The following ASIC2 variants were observed in gnomAD, a reference collection of about 807,000 sequenced individuals.
ASIC2 encodes the protein acid-sensing ion channel 2.
ASIC2 carries 25 observed loss-of-function variants against 57.3 expected under a neutral mutation model. The observed-to-expected ratio is 0.44, with a 90% CI of 0.32 to 0.61. The LOEUF is 0.61. Ranked by LOEUF, ASIC2 falls within the 20% of genes least tolerant of loss-of-function variation. The pLI is 0.06. For missense variants in ASIC2, 641 were observed against 738.1 expected (o/e 0.87, Z 1.52); for synonymous variants, 319 against 307.5 (o/e 1.04, Z -0.39).
intron 1 of ASIC2, among the ~76,000 whole-genome samples, chr17:33,318,558 C>T (rs1906746147): frequency 6.6e-6 from 1 of 152,184 alleles, no homozygotes; most frequent in South Asian, 2.1e-4. Context: ...TTTCTAAGCT[C>T]CTGCCCACTG....
intron 1 of ASIC2, among the ~76,000 whole-genome samples, chr17:33,950,149 G>A (rs1476585587): frequency 6.6e-6 from 1 of 152,164 alleles, no homozygotes; most frequent in African/African-American, 2.4e-5. Context: ...AATCCTTCAG[G>A]GTCATTGTCT....
chr17:33,800,273 AC>A (rs1912093551), intron 1 of ASIC2, among the ~76,000 whole-genome samples: 1 of 151,980 alleles, frequency 6.6e-6, no homozygotes, highest in African/African-American at 2.4e-5. Context: ...TGGAATGCAC[AC>A]CCCCTTTTGC....
intron 1 of ASIC2, among the ~76,000 whole-genome samples, chr17:33,464,555 TTTCTTTC>T (rs1912785999): frequency 1.7e-5 from 2 of 121,094 alleles, no homozygotes; most frequent in African/African-American, 6.4e-5. Flanking sequence ...TCTTTCTTTC[TTTCTTTC>T]TTTTCTCTCT....
intron 1 of ASIC2, among the ~76,000 whole-genome samples, chr17:33,214,060 G>A (rs998213660): frequency 6.7e-6 from 1 of 149,580 alleles, no homozygotes; most frequent in South Asian, 2.1e-4. Context: ...CAAGTGTGGG[G>A]TTAAGTTCTT....
intron 1 of ASIC2, among the ~76,000 whole-genome samples, chr17:34,122,285 A>AC (rs1202940030): frequency 1.3e-5 from 2 of 152,226 alleles, no homozygotes; most frequent in Non-Finnish European, 2.9e-5. Context: ...TGCTCAGCAC[A>AC]CCCAGATAGC....
At chr17:33,432,444 G>A (rs1044655910) in intron 1 of ASIC2, among the ~76,000 whole-genome samples, 9 of 152,202 alleles carry the variant, frequency 5.9e-5, no homozygotes, top group East Asian at 1.9e-4. Context: ...TGGGAGGATC[G>A]CTTGAGCCCA....
At chr17:33,269,615 C>CTTCCTTCCTTCCT in intron 1 of ASIC2, among the ~76,000 whole-genome samples, 1 of 31,734 alleles carries the variant, frequency 3.2e-5, no homozygotes, top group African/African-American at 1.1e-4. Context: ...GGCTCCTTCC[C>CTTCCTTCCTTCCT]TTCCTTCCTT....
At chr17:33,945,053 T>C (rs926808183) in intron 1 of ASIC2, among the ~76,000 whole-genome samples, 47 of 152,146 alleles carry the variant, frequency 3.1e-4, no homozygotes, top group African/African-American at 1.1e-3. Context: ...TATGATCTCA[T>C]GTGATTGCTG....
intron 1 of ASIC2, among the ~76,000 whole-genome samples, chr17:33,943,707 A>C (rs1305323952): frequency 6.6e-6 from 1 of 151,884 alleles, no homozygotes; most frequent in Non-Finnish European, 1.5e-5. Context: ...AAAAAAAAAA[A>C]AAAAATGGAG....
chr17:33,718,661 G>A (rs577499469), intron 1 of ASIC2, among the ~76,000 whole-genome samples: 9 of 152,266 alleles, frequency 5.9e-5, no homozygotes, highest in East Asian at 3.9e-4. Context: ...ACATGCCTCC[G>A]CAGAGAGAAG....
intron 1 of ASIC2, among the ~76,000 whole-genome samples, chr17:33,501,814 C>T (rs1914108423): frequency 6.6e-6 from 1 of 152,300 alleles, no homozygotes; most frequent in South Asian, 2.1e-4. Context: ...AGTACCTAAA[C>T]TTGAAGTAAG....
chr17:33,491,183 C>T (rs1913744853), intron 1 of ASIC2, among the ~76,000 whole-genome samples: 1 of 152,180 alleles, frequency 6.6e-6, no homozygotes, highest in Non-Finnish European at 1.5e-5. Flanking sequence ...CCCACACCCA[C>T]AGGACATCAA....
intron 1 of ASIC2, among the ~76,000 whole-genome samples, chr17:33,439,644 A>C (rs905816150): frequency 6.6e-6 from 1 of 152,242 alleles, no homozygotes; most frequent in East Asian, 1.9e-4. Flanking sequence ...TGAGTTTCAC[A>C]AATGTGTCAT....
chr17:33,383,915 A>G (rs931920545), intron 1 of ASIC2, among the ~76,000 whole-genome samples: 1 of 152,224 alleles, frequency 6.6e-6, no homozygotes, highest in Non-Finnish European at 1.5e-5. Context: ...GTGACTTAGC[A>G]GAAGCATCAA....
At chr17:33,224,484 T>C (rs1393481253) in intron 1 of ASIC2, among the ~76,000 whole-genome samples, 1 of 152,150 alleles carries the variant, frequency 6.6e-6, no homozygotes, top group African/African-American at 2.4e-5. Flanking sequence ...TGGAAGTGTG[T>C]CGATCAACAA....
chr17:33,597,240 T>C (rs1399159011), intron 1 of ASIC2, among the ~76,000 whole-genome samples: 1 of 152,238 alleles, frequency 6.6e-6, no homozygotes, highest in Non-Finnish European at 1.5e-5. Context: ...TCATGAGTCT[T>C]TGAGGATGCC....
At chr17:33,090,181 A>G (rs2092151884) in intron 2 of ASIC2, among the ~76,000 whole-genome samples, 1 of 152,116 alleles carries the variant, frequency 6.6e-6, no homozygotes, top group African/African-American at 2.4e-5. Context: ...ATGTCTTTCT[A>G]CCTTGTCCAC....
At chr17:34,058,684 A>G (rs544804657) in intron 1 of ASIC2, among the ~76,000 whole-genome samples, 179 of 122,386 alleles carry the variant, frequency 1.5e-3, no homozygotes, top group African/African-American at 7.2e-3. Flanking sequence ...ATATTTAGGG[A>G]ACAGAAATGT....
intron 1 of ASIC2, among the ~76,000 whole-genome samples, chr17:33,238,886 C>T (rs750312281): frequency 2.0e-5 from 3 of 152,180 alleles, no homozygotes; most frequent in Non-Finnish European, 4.4e-5. Context: ...TGCCTGTAAT[C>T]TTAGCTACTC....
Sources: allele counts gnomAD v4.1 joint callset (sites outside exome capture counted in the v4.1 genomes callset), GRCh38; gene constraint gnomAD v4.1.1; transcripts MANE v1.5; gene names NCBI Gene and HGNC (gene_info 2026-07-23, HGNC 2026-07-21).